EDIL3: variants seen among roughly 807,000 people sequenced by gnomAD.
The protein encoded by EDIL3 is EGF-like repeat and discoidin I-like domain-containing protein 3.
In EDIL3, 37 loss-of-function variants were observed where a neutral mutation model predicts 67.4. The observed-to-expected ratio is 0.55, with a 90% CI of 0.42 to 0.72. The LOEUF (loss-of-function observed/expected upper bound fraction) is 0.72. EDIL3 is among the 30% of genes least tolerant of loss of function. The pLI is 0.00. For synonymous variants in EDIL3, 195 were observed against 196.3 expected (o/e 0.99, Z 0.05); for missense variants, 527 against 586.3 (o/e 0.90, Z 1.04).
intron 1 of EDIL3, 133 bp downstream of exon 1, chr5:84,384,175 G>A (rs1466638982): frequency 3.1e-5 from 34 of 1,110,292 alleles, no homozygotes; most frequent in Admixed American, 4.8e-5. Context: ...AGGACTCGAC[G>A]CCTCCTCCGC....
At position 83,964,935 on chromosome 5, in the gene EDIL3, T is replaced by C. The variant is rs190662139; in HGVS notation, c.1138-1575A>G. ...TGTCTCACATTGTGCAAATGTTTTC[T>C]TCTGGGTCCTCATTTAATCCTCCCA... On this transcript the variant is annotated intron_variant, in intron 9 of 10. Coordinates refer to ENST00000296591, the MANE Select transcript of EDIL3 (RefSeq NM_005711.5). Among the ~76,000 whole-genome samples, 345 of 152,160 alleles carry C rather than the reference T, an allele frequency of 2.3e-3. 1 individual carries two copies. Among genetic ancestry groups the C allele is most frequent in the Middle Eastern group, 6.8e-3 (2 of 294 alleles).
intron 1 of EDIL3, among the ~76,000 whole-genome samples, chr5:84,283,353 T>C (rs1281292306): frequency 6.6e-6 from 1 of 152,204 alleles, no homozygotes; most frequent in Non-Finnish European, 1.5e-5. Context: ...GGTTGACTGC[T>C]GTCTTTTTAA....
chr5:84,033,594 C>T (rs951843971), intron 9 of EDIL3, among the ~76,000 whole-genome samples: 2 of 150,406 alleles, frequency 1.3e-5, no homozygotes, highest in African/African-American at 4.9e-5. Flanking sequence ...GTCCCAGCTA[C>T]TTGTGAGGTT....
intron 9 of EDIL3, among the ~76,000 whole-genome samples, chr5:84,025,545 T>A (rs1173860255): frequency 6.6e-6 from 1 of 152,182 alleles, no homozygotes; most frequent in Admixed American, 6.5e-5. Context: ...AAAATAAATG[T>A]AATGCACTTG....
chr5:83,995,155 CAT>C (rs1031810179), intron 9 of EDIL3, among the ~76,000 whole-genome samples: 22 of 102,572 alleles, frequency 2.1e-4, no homozygotes, highest in African/African-American at 8.6e-4. Context: ...CGCACACACA[CAT>C]ACACACACAC....
chr5:84,252,506 A>AAAAAAG (rs1745044238), intron 2 of EDIL3, among the ~76,000 whole-genome samples: 1 of 148,486 alleles, frequency 6.7e-6, no homozygotes, highest in Non-Finnish European at 1.5e-5. Flanking sequence ...AAAAAAAAAA[A>AAAAAAG]AAAAAAAAAA....
At chr5:83,996,446 T>C (rs970326062) in intron 9 of EDIL3, among the ~76,000 whole-genome samples, 1 of 152,174 alleles carries the variant, frequency 6.6e-6, no homozygotes, top group African/African-American at 2.4e-5. Flanking sequence ...TCACCCTGTA[T>C]TCTCAAATTA....
chr5:84,308,283 T>C (rs915120247), intron 1 of EDIL3, among the ~76,000 whole-genome samples: 1 of 152,168 alleles, frequency 6.6e-6, no homozygotes, highest in Non-Finnish European at 1.5e-5. Flanking sequence ...AGCATTTGTT[T>C]TGAAAACGCT....
intron 1 of EDIL3, among the ~76,000 whole-genome samples, chr5:84,257,556 T>C (rs1341637649): frequency 6.6e-6 from 1 of 152,074 alleles, no homozygotes; most frequent in Non-Finnish European, 1.5e-5. Context: ...GATCCAGGGG[T>C]TGAGGAAGAG....
intron 2 of EDIL3, among the ~76,000 whole-genome samples, chr5:84,250,817 A>G (rs534842302): frequency 6.6e-6 from 1 of 152,216 alleles, no homozygotes. Context: ...TTAAAAATAT[A>G]AAGATTCAGA....
chr5:83,976,372 G>T (rs1744876808), intron 9 of EDIL3, among the ~76,000 whole-genome samples: 1 of 151,736 alleles, frequency 6.6e-6, no homozygotes, highest in Admixed American at 6.6e-5. Context: ...AACAACTAAT[G>T]TGCTGTATTT....
chr5:83,963,504 G>T, intron 9 of EDIL3, 144 bp from the exon 10 acceptor site: 1 of 938,696 alleles, frequency 1.1e-6, no homozygotes, highest in Non-Finnish European at 1.5e-6. Context: ...CAATGACTGA[G>T]TCTATTATTG....
intron 1 of EDIL3, among the ~76,000 whole-genome samples, chr5:84,257,723 G>A (rs1000551673): frequency 1.3e-5 from 2 of 152,144 alleles, no homozygotes; most frequent in African/African-American, 4.8e-5. Flanking sequence ...TATTATATAA[G>A]TAGATGTAGA....
chr5:84,227,816 A>G (rs946150949), intron 3 of EDIL3, among the ~76,000 whole-genome samples: 9 of 152,152 alleles, frequency 5.9e-5, no homozygotes, highest in African/African-American at 1.7e-4. Flanking sequence ...AAATTAATGC[A>G]GGATCAGAAT....
intron 9 of EDIL3, among the ~76,000 whole-genome samples, chr5:84,005,115 C>A (rs1713214451): frequency 6.6e-6 from 1 of 151,930 alleles, no homozygotes; most frequent in South Asian, 2.1e-4. Context: ...CATTCAATCT[C>A]CCAAGATTAA....
intron 5 of EDIL3, among the ~76,000 whole-genome samples, chr5:84,114,031 T>C (rs1747619826): frequency 6.6e-6 from 1 of 152,162 alleles, no homozygotes; most frequent in African/African-American, 2.4e-5. Context: ...GCCTTTCTTT[T>C]ATTCCTAGCA....
intron 6 of EDIL3, among the ~76,000 whole-genome samples, chr5:84,087,944 C>A (rs1747100958): frequency 1.3e-5 from 2 of 151,938 alleles, no homozygotes; most frequent in Non-Finnish European, 2.9e-5. Flanking sequence ...TTTTTCTAAG[C>A]ATGGAAAAAA....
intron 4 of EDIL3, among the ~76,000 whole-genome samples, chr5:84,141,906 C>CATATATATATATATATACACATAT (rs1412325420): frequency 6.2e-5 from 6 of 96,838 alleles, no homozygotes; most frequent in African/African-American, 1.4e-4. Flanking sequence ...ACAAACTACT[C>CATATATATATATATATACACATAT]ATATATATAT....
At chr5:84,191,532 C>T (rs950925994) in intron 3 of EDIL3, among the ~76,000 whole-genome samples, 26 of 152,132 alleles carry the variant, frequency 1.7e-4, no homozygotes, top group Non-Finnish European at 3.5e-4. Flanking sequence ...ACAAAGCAGG[C>T]GTGGATTCTG....
Sources: allele counts gnomAD v4.1 joint callset (sites outside exome capture counted in the v4.1 genomes callset), GRCh38; gene constraint gnomAD v4.1.1; transcripts MANE v1.5; gene names NCBI Gene and HGNC (gene_info 2026-07-23, HGNC 2026-07-21).